TAF1: variants seen among roughly 807,000 people sequenced by gnomAD.
TAF1 encodes transcription initiation factor TFIID subunit 1.
A neutral mutation model predicts 138.5 loss-of-function variants in TAF1; 2 were observed. The observed-to-expected ratio is 0.01, with a 90% CI of 0.01 to 0.05. The LOEUF (loss-of-function observed/expected upper bound fraction) is 0.05, where lower values mean the gene tolerates loss of function less well. Ranked by LOEUF, TAF1 falls within the 10% of genes least tolerant of loss-of-function variation. The probability of loss-of-function intolerance (pLI) is 1.00; values close to 1 mark genes in which losing one functional copy is unlikely to be tolerated. For missense variants in TAF1, 709 were observed against 1,478.0 expected (o/e 0.48, Z 8.53); for synonymous variants, 437 against 503.2 (o/e 0.87, Z 1.76).
At chrX:71,441,186 G>C (rs780833214) in intron 32 of TAF1, among the ~76,000 whole-genome samples, 1 of 110,334 alleles carries the variant, frequency 9.1e-6, no homozygotes, top group African/African-American at 3.3e-5. Flanking sequence ...AGCCCCATCT[G>C]TATATTTTCT....
chrX:71,416,601 G>C (rs775443970), intron 28 of TAF1: 25 of 307,391 alleles, frequency 8.1e-5, no homozygotes, highest in South Asian at 8.1e-4. Context: ...CCATCAGCCG[G>C]TTCTTTTTCC....
At position 71,366,508 on chromosome X, in the gene TAF1, CGTGGGGGTAGGG is replaced by C; in HGVS notation, c.120+15_120+26del. On this transcript the variant is annotated intron_variant, in intron 1 of 37. Coordinates refer to ENST00000423759, the MANE Select transcript of TAF1 (RefSeq NM_004606.5). ...GTCTTGGATGATGTGAGGGGGTGGG[CGTGGGGGTAGGG>C]CTCGGGGGGTGGGGCTAAGCAGAGG... 4 of 149,748 alleles carry C rather than the reference CGTGGGGGTAGGG, an allele frequency of 2.7e-5. No individual in the cohort carries two copies. Among genetic ancestry groups the C allele is most frequent in the Non-Finnish European group, 2.8e-5 (3 of 108,273 alleles). The allele number at this position is 149,748 out of a possible 1,213,427, so 12.3% of individuals were successfully genotyped here. A position where few individuals can be genotyped will look rare whatever the true frequency, so the allele number is the denominator to read the frequency against.
At chrX:71,405,507 C>A (rs760581310) in intron 25 of TAF1, among the ~76,000 whole-genome samples, 1 of 111,156 alleles carries the variant, frequency 9.0e-6, no homozygotes, top group Non-Finnish European at 1.9e-5. Context: ...CGTGCTGCCA[C>A]GCCAGGCTAA....
At chrX:71,446,947 A>T (rs1367155571) in intron 32 of TAF1, among the ~76,000 whole-genome samples, 1 of 112,145 alleles carries the variant, frequency 8.9e-6, no homozygotes, top group African/African-American at 3.2e-5. Flanking sequence ...ATTGTGAAAG[A>T]TTAGATTCAC....
At chrX:71,374,016 A>G (rs1021886262) in intron 3 of TAF1, among the ~76,000 whole-genome samples, 5 of 111,496 alleles carry the variant, frequency 4.5e-5, no homozygotes, top group Non-Finnish European at 7.5e-5. Flanking sequence ...AGATATGGTC[A>G]GGAAAGGAGC....
chrX:71,369,767 G>C (rs977971127), intron 3 of TAF1, among the ~76,000 whole-genome samples: 1 of 108,316 alleles, frequency 9.2e-6, no homozygotes, highest in African/African-American at 3.3e-5. Context: ...CACCACGCCT[G>C]GCTAATTTTT....
intron 32 of TAF1, among the ~76,000 whole-genome samples, chrX:71,430,333 G>A (rs1398276619): frequency 1.9e-5 from 2 of 103,602 alleles, no homozygotes; most frequent in South Asian, 4.6e-4. Flanking sequence ...GCTGTGAGCC[G>A]AGATCGTGCT....
chrX:71,460,856 G>A (rs1348341774), intron 37 of TAF1, 53 bp downstream of exon 37: 6 of 1,156,289 alleles, frequency 5.2e-6, no homozygotes, highest in Non-Finnish European at 7.0e-6. Flanking sequence ...CAGCTATGAT[G>A]TTGAGGGGCC....
In TAF1 at chrX:71,389,575, C is replaced by T. The variant is rs1310950531; in HGVS notation, c.2701-10C>T. ...CTGACTGATTTATGCATGGATCTGT[C>T]CTCTTCCAGGATGCTGGCTATGGTG... is the stretch of plus-strand genomic sequence containing the variant. On this transcript the variant is annotated splice_polypyrimidine_tract_variant and intron_variant, in intron 17 of 37. Coordinates refer to ENST00000423759, the MANE Select transcript of TAF1 (RefSeq NM_004606.5). 8.4e-7 allele frequency: 1 copy of T among 1,195,581 alleles called. No individual in the cohort carries two copies. The highest frequency in any genetic ancestry group is 2.4e-5 in the Admixed American group (1 of 41,961).
Position 71,392,638 on chromosome X carries a change from G to A in TAF1, c.2851G>A (p.Val951Met), listed in dbSNP as rs2034627721. The A allele has an allele frequency of 8.3e-7, 1 of 1,208,429 alleles. No individual in the cohort carries two copies. The highest frequency in any genetic ancestry group is 1.7e-5 in the African/African-American group (1 of 57,154). ...AAMKGKCLLEVTGVADPTGCG... is the reference protein window; with the variant it reads ...AAMKGKCLLEMTGVADPTGCG... ...CATGAAGGGCAAGTGTCTGCTAGAG[G>A]TGACTGGGGTGGCAGATCCCACGGG... The change falls in exon 19 of 38, where the codon GTG becomes ATG. Residue 951 changes from valine (V) to methionine (M), a missense_variant. Transcript: ENST00000423759.
At chrX:71,416,364 T>G (rs2036011261) in intron 28 of TAF1, among the ~76,000 whole-genome samples, 1 of 103,728 alleles carries the variant, frequency 9.6e-6, no homozygotes, top group Non-Finnish European at 2.0e-5. Flanking sequence ...CCAGCCTGGA[T>G]GACAGATGGA....
chrX:71,501,319 T>C (rs2039502281), intron 13 of TAF1, among the ~76,000 whole-genome samples: 1 of 110,949 alleles, frequency 9.0e-6, no homozygotes, highest in Non-Finnish European at 1.9e-5. Context: ...AGGCAAAAAA[T>C]ATGTCTTTCT....
At chrX:71,467,949 G>A (rs893843501), downstream of TAF1, among the ~76,000 whole-genome samples, 3 of 111,937 alleles carry the variant, frequency 2.7e-5, no homozygotes, top group African/African-American at 9.7e-5. Context: ...ATTTGACACC[G>A]TGCATCAAGA....
chrX:71,446,343 T>A (rs1185827179), intron 32 of TAF1, among the ~76,000 whole-genome samples: 1 of 112,569 alleles, frequency 8.9e-6, no homozygotes, highest in African/African-American at 3.2e-5. Flanking sequence ...GGAAAATATC[T>A]GTTTCCCTAC....
In TAF1 at chrX:71,381,932, C is replaced by T; in HGVS notation, c.1537+13C>T. 8.9e-7 allele frequency: 1 copy of T among 1,126,763 alleles called. No individual in the cohort carries two copies. Among genetic ancestry groups the T allele is most frequent in the Non-Finnish European group, 1.2e-6 (1 of 854,956 alleles). The allele number at this position is 1,126,763 out of a possible 1,213,427, so 92.9% of individuals were successfully genotyped here. The stretch of plus-strand genomic sequence containing the variant: ...AACCTCATTTTGGGTATATTACTGG[C>T]AGAGGCCAGTGTTTCTTCTCCTTTG... On this transcript the variant is annotated intron_variant, in intron 9 of 37. Coordinates refer to ENST00000423759, the MANE Select transcript of TAF1 (RefSeq NM_004606.5).
intron 28 of TAF1, among the ~76,000 whole-genome samples, chrX:71,417,454 C>G (rs770049035): frequency 9.0e-6 from 1 of 110,892 alleles, no homozygotes; most frequent in East Asian, 2.8e-4. Flanking sequence ...TATCCCTGGG[C>G]TCGATGATTC....
intron 3 of TAF1, among the ~76,000 whole-genome samples, chrX:71,370,546 C>T (rs1034051568): frequency 1.8e-5 from 2 of 111,673 alleles, no homozygotes; most frequent in Non-Finnish European, 3.8e-5. Flanking sequence ...GATGAGGTTT[C>T]GCCATCTTGG....
intron 13 of TAF1, among the ~76,000 whole-genome samples, chrX:71,506,853 T>C (rs2039637960): frequency 8.9e-6 from 1 of 112,356 alleles, no homozygotes; most frequent in African/African-American, 3.2e-5. Flanking sequence ...AACCCAAATG[T>C]CCATCAATGG....
At chrX:71,396,923 G>C (rs756193091) in intron 22 of TAF1, among the ~76,000 whole-genome samples, 19 of 107,189 alleles carry the variant, frequency 1.8e-4, no homozygotes, top group Non-Finnish European at 3.1e-4. Flanking sequence ...TACTCAGAAG[G>C]CTGAGCTGGG....
Sources: gnomAD v4.1 joint callset for allele counts (sites outside exome capture counted in the v4.1 genomes callset) on GRCh38, gnomAD v4.1.1 for gene constraint, MANE v1.5 for transcripts, NCBI Gene and HGNC (gene_info 2026-07-23, HGNC 2026-07-21) for gene names.